MLIP: variants seen among roughly 807,000 people sequenced by gnomAD.
MLIP encodes the protein muscular LMNA-interacting protein.
A neutral mutation model predicts 84.8 loss-of-function variants in MLIP; 79 were observed. The ratio of observed to expected loss-of-function variants is 0.93; its 90% CI spans 0.78 to 1.12. The LOEUF (loss-of-function observed/expected upper bound fraction) is 1.12. MLIP is among the 50% of genes most tolerant of loss of function. MLIP has a pLI of 0.00. For missense variants in MLIP, 1,257 were observed against 1,160.6 expected (o/e 1.08, Z -1.21); for synonymous variants, 504 against 463.0 (o/e 1.09, Z -1.14).
rs920235158 is a variant in MLIP at position 54,111,588 on chromosome 6, C to T, written c.96+13C>T. 3.3e-6 allele frequency: 5 copies of T among 1,535,834 alleles called. No homozygotes were observed. Among genetic ancestry groups the T allele is most frequent in the Non-Finnish European group, 3.5e-6 (4 of 1,146,692 alleles). ...GACCACACCCCAGGTAAAAGGAAGTCTTTGCTTAATGCTTTCAGTAACTTT... is the reference window on the plus strand; with the variant it reads ...GACCACACCCCAGGTAAAAGGAAGTTTTTGCTTAATGCTTTCAGTAACTTT... On this transcript the variant is annotated intron_variant, in intron 1 of 13. Transcript: ENST00000502396.
At chr6:54,063,475 T>C (rs565820638) in intron 1 of MLIP, 8 of 152,242 alleles carry the variant, frequency 5.3e-5, no homozygotes, top group Non-Finnish European at 1.2e-4. Context: ...AAAGGTATTA[T>C]GAATTTGGCA....
In MLIP at chr6:54,230,913, ACAAGG is replaced by A. The variant is rs753223666; in HGVS notation, c.2919_2922+1del. The A allele has an allele frequency of 5.0e-6, 8 of 1,613,916 alleles. No homozygotes were observed. In the East Asian group the frequency reaches 1.8e-4, roughly 36 times the overall value. ...ACCCTCCTCAGTCACAACGCATGCAACAAGGTGAGAACTCCTCCCCAAAATGAGGA... is the reference window on the plus strand; with the variant it reads ...ACCCTCCTCAGTCACAACGCATGCAATGAGAACTCCTCCCCAAAATGAGGA... On this transcript the variant is annotated splice_donor_variant and coding_sequence_variant, in exon 12 of 14. Coordinates refer to ENST00000502396, the MANE Select transcript of MLIP (RefSeq NM_001281747.2). LOFTEE classifies it high-confidence loss of function.
intron 8 of MLIP, among the ~76,000 whole-genome samples, chr6:54,161,888 C>G (rs1331597941): frequency 6.6e-6 from 1 of 151,616 alleles, no homozygotes; most frequent in Admixed American, 6.6e-5. Flanking sequence ...TATATTATAT[C>G]AATTTTAAAA....
intron 2 of MLIP, 21 bp from the exon 3 acceptor site, chr6:54,124,452 A>G (rs1427953827): frequency 6.3e-7 from 1 of 1,580,244 alleles, no homozygotes; most frequent in Non-Finnish European, 8.6e-7. Context: ...CAATGCTTTT[A>G]TCTCTCTACA....
chr6:54,229,222 T>G (rs955662615), intron 11 of MLIP, among the ~76,000 whole-genome samples: 1 of 152,222 alleles, frequency 6.6e-6, no homozygotes, highest in African/African-American at 2.4e-5. Context: ...GATAATTCAG[T>G]AACGTGTCTT....
chr6:54,223,823 G>C (rs141743290), intron 11 of MLIP, among the ~76,000 whole-genome samples: 51 of 151,730 alleles, frequency 3.4e-4, no homozygotes, highest in Middle Eastern at 3.4e-3. Flanking sequence ...GATCTAACTC[G>C]AAAAAATAGA....
At chr6:54,097,472 AGC>A (rs1768297855) in intron 1 of MLIP, among the ~76,000 whole-genome samples, 1 of 152,222 alleles carries the variant, frequency 6.6e-6, no homozygotes, top group African/African-American at 2.4e-5. Flanking sequence ...CAACATACAC[AGC>A]TTAAAATTAT....
intron 11 of MLIP, chr6:54,217,774 A>G (rs1779950159): frequency 1.0e-6 from 1 of 985,010 alleles, no homozygotes; most frequent in Admixed American, 6.1e-5. Flanking sequence ...TCATTGATAG[A>G]AACATGTCCA....
Position 54,182,563 on chromosome 6 carries a change from C to T in MLIP, c.2545-7307C>T, listed in dbSNP as rs138591680. 3.6e-4 allele frequency among the ~76,000 whole-genome samples: 55 copies of T among 152,228 alleles called. 1 individual carries two copies. The highest frequency in any genetic ancestry group is 1.1e-3 in the African/African-American group (46 of 41,534). The stretch of plus-strand genomic sequence containing the variant: ...AAATGTGGTGTTCCTGCGGGAGGTA[C>T]GAACACTGTAAGTTTTTATTCTACC... On this transcript the variant is annotated intron_variant, in intron 9 of 13. Coordinates refer to ENST00000502396, the MANE Select transcript of MLIP (RefSeq NM_001281747.2).
intron 1 of MLIP, among the ~76,000 whole-genome samples, chr6:54,054,913 A>T: frequency 6.8e-6 from 1 of 145,994 alleles, no homozygotes. Context: ...TTTGAGACGG[A>T]GTCTCGCTCT....
intron 13 of MLIP, among the ~76,000 whole-genome samples, chr6:54,259,289 A>G (rs992229523): frequency 6.6e-6 from 1 of 151,848 alleles, no homozygotes. Context: ...AGAAAAATAT[A>G]TACTTTCAGA....
upstream of MLIP, among the ~76,000 whole-genome samples, chr6:54,106,770 A>G (rs1424401308): frequency 6.6e-6 from 1 of 152,252 alleles, no homozygotes; most frequent in Non-Finnish European, 1.5e-5. Context: ...TCAGATATCT[A>G]TGAGATGTTC....
intron 6 of MLIP, 23 bp from the exon 7 acceptor site, chr6:54,160,493 G>C (rs1369999870): frequency 1.2e-6 from 2 of 1,611,688 alleles, no homozygotes; most frequent in African/African-American, 2.7e-5. Context: ...TGCTAACCCA[G>C]TACCTGGTTT....
chr6:54,036,920 A>T (rs1429962149), intron 1 of MLIP, among the ~76,000 whole-genome samples: 1 of 152,018 alleles, frequency 6.6e-6, no homozygotes, highest in Non-Finnish European at 1.5e-5. Flanking sequence ...AATACTTCAT[A>T]ACTGGGGTGT....
chr6:54,223,564 T>C lies in MLIP; in HGVS notation c.2719-7150T>C, dbSNP rs1293590539. ...CAACCATAATGGGTAGATTTATTTT[T>C]GTTCCACTGGCTATAGTCTGCTTTT... On this transcript the variant is annotated intron_variant, in intron 11 of 13. Transcript: ENST00000502396. 3.9e-5 allele frequency among the ~76,000 whole-genome samples: 6 copies of C among 152,244 alleles called. No homozygotes were observed. In the East Asian group the frequency reaches 1.2e-3, roughly 29 times the overall value.
chr6:54,241,654 A>G lies in MLIP; in HGVS notation c.2922+10737A>G, dbSNP rs75044315. Among the ~76,000 whole-genome samples, 26 of 152,312 alleles carry G rather than the reference A, an allele frequency of 1.7e-4. No homozygotes were observed. The East Asian group carries it at 2.3e-3, about 14-fold the overall frequency. On this transcript the variant is annotated intron_variant, in intron 12 of 13. Coordinates refer to ENST00000502396, the MANE Select transcript of MLIP (RefSeq NM_001281747.2). ...ATTTTAAATTATAGCAATTATTTAT[A>G]TTAGAACTATGTTTTTGCTAAAAAA...
At chr6:54,258,551 C>A (rs1038634997) in intron 13 of MLIP, among the ~76,000 whole-genome samples, 1 of 151,910 alleles carries the variant, frequency 6.6e-6, no homozygotes, top group Non-Finnish European at 1.5e-5. Flanking sequence ...ACACATGTAG[C>A]CAAATTGCTG....
intron 12 of MLIP, among the ~76,000 whole-genome samples, chr6:54,232,191 T>C (rs1013250610): frequency 4.6e-5 from 7 of 152,116 alleles, no homozygotes; most frequent in African/African-American, 1.7e-4. Context: ...ATACATTTAG[T>C]TATTTGAGTT....
intron 11 of MLIP, among the ~76,000 whole-genome samples, chr6:54,207,420 CT>C (rs1349210146): frequency 4.8e-5 from 6 of 126,198 alleles, no homozygotes; most frequent in Non-Finnish European, 1.0e-4. Context: ...CCCCCCCCCC[CT>C]TTTTTGACAT....
Sources: gnomAD v4.1 joint callset for allele counts (sites outside exome capture counted in the v4.1 genomes callset) on GRCh38, gnomAD v4.1.1 for gene constraint, MANE v1.5 for transcripts, NCBI Gene and HGNC (gene_info 2026-07-23, HGNC 2026-07-21) for gene names.